The following DPP6 variants were observed in gnomAD, a reference collection of about 807,000 sequenced individuals.
DPP6 encodes A-type potassium channel modulatory protein DPP6.
DPP6 carries 69 observed loss-of-function variants against 122.6 expected under a neutral mutation model. That is an observed-to-expected ratio of 0.56 (90% CI 0.46 to 0.69). The LOEUF (loss-of-function observed/expected upper bound fraction) is 0.69, where lower values mean the gene tolerates loss of function less well. Ranked by LOEUF, DPP6 falls within the 30% of genes least tolerant of loss-of-function variation. The pLI, the probability that DPP6 is intolerant of heterozygous loss-of-function variation, is 0.00. For synonymous variants in DPP6, 418 were observed against 433.1 expected (o/e 0.97, Z 0.43); for missense variants, 928 against 1,116.9 (o/e 0.83, Z 2.41).
At position 154,308,352 on chromosome 7, in the gene DPP6, G is replaced by T. The variant is rs567276582; in HGVS notation, c.244-137862G>T. Among the ~76,000 whole-genome samples the T allele has an allele frequency of 1.4e-3, 217 of 152,148 alleles. 1 individual carries two copies. The highest frequency in any genetic ancestry group is 4.8e-3 in the African/African-American group (199 of 41,494). On this transcript the variant is annotated intron_variant, in intron 1 of 25. Transcript: ENST00000377770. ...TAAAAAGAGTATTTTGGGATTTTTG[G>T]TTTGTTTTTTAAAGGATACTAAATA...
chr7:154,616,075 G>A (rs989625034), intron 5 of DPP6, among the ~76,000 whole-genome samples: 4 of 152,092 alleles, frequency 2.6e-5, no homozygotes, highest in Admixed American at 1.3e-4. Flanking sequence ...AACAGGAGGC[G>A]GCCAGCTCAG....
chr7:154,346,860 G>T (rs1439429349), intron 1 of DPP6, among the ~76,000 whole-genome samples: 1 of 152,166 alleles, frequency 6.6e-6, no homozygotes, highest in Non-Finnish European at 1.5e-5. Flanking sequence ...TGACTCTGGA[G>T]TTTCAAGTAA....
chr7:154,792,788 G>C (rs1012135319), intron 10 of DPP6, among the ~76,000 whole-genome samples: 1 of 152,214 alleles, frequency 6.6e-6, no homozygotes, highest in South Asian at 2.1e-4. Context: ...CCCCTCCTGT[G>C]TTCACGGGTT....
chr7:154,100,326 T>G (rs1426231623), intron 1 of DPP6, among the ~76,000 whole-genome samples: 1 of 96,348 alleles, frequency 1.0e-5, no homozygotes, highest in African/African-American at 4.3e-5. Flanking sequence ...GAAGACCACC[T>G]GCCTGTTTGT....
At chr7:154,083,199 G>A (rs1352171930) in intron 1 of DPP6, among the ~76,000 whole-genome samples, 1 of 152,082 alleles carries the variant, frequency 6.6e-6, no homozygotes, top group Admixed American at 6.5e-5. Flanking sequence ...TCGGTTAGTT[G>A]TTGTGCTTCT....
At chr7:154,104,873 G>A (rs1267872717) in intron 1 of DPP6, among the ~76,000 whole-genome samples, 1 of 151,890 alleles carries the variant, frequency 6.6e-6, no homozygotes, top group African/African-American at 2.4e-5. Flanking sequence ...CTGTGTGTGT[G>A]CCTACATAAC....
chr7:154,495,476 A>G (rs147758930), intron 3 of DPP6, among the ~76,000 whole-genome samples: 8,535 of 151,146 alleles, frequency 0.056, 788 homozygotes, highest in African/African-American at 0.19. Flanking sequence ...TGCAACCTCC[A>G]CTTCCCAGGT....
intron 1 of DPP6, among the ~76,000 whole-genome samples, chr7:154,290,218 T>C (rs994609418): frequency 6.6e-6 from 1 of 152,180 alleles, no homozygotes; most frequent in Non-Finnish European, 1.5e-5. Context: ...AATGATCAAA[T>C]TGTAATTGGT....
upstream of DPP6, among the ~76,000 whole-genome samples, chr7:154,050,296 GT>G (rs1052327359): frequency 6.6e-6 from 1 of 152,150 alleles, no homozygotes; most frequent in Non-Finnish European, 1.5e-5. Context: ...TGAGAATATA[GT>G]TTTTAAAAGT....
At chr7:154,662,095 G>A (rs1384216551) in intron 6 of DPP6, among the ~76,000 whole-genome samples, 1 of 150,388 alleles carries the variant, frequency 6.6e-6, no homozygotes. Context: ...TAGAGTCATG[G>A]TGAATCACCA....
intron 2 of DPP6, among the ~76,000 whole-genome samples, chr7:154,465,373 C>A (rs1361487103): frequency 6.6e-6 from 1 of 152,064 alleles, no homozygotes; most frequent in East Asian, 1.9e-4. Flanking sequence ...TCTAATTAAA[C>A]TAAAGAGCTT....
the DPP6 span, among the ~76,000 whole-genome samples, chr7:153,762,609 A>G: frequency 5.4e-5 from 8 of 148,294 alleles, no homozygotes; most frequent in African/African-American, 1.5e-4. Context: ...TGTCTCTACT[A>G]AAAATACAAA....
intron 1 of DPP6, among the ~76,000 whole-genome samples, chr7:154,191,372 C>T (rs1563298169): frequency 6.6e-6 from 1 of 152,204 alleles, no homozygotes; most frequent in Non-Finnish European, 1.5e-5. Context: ...TTTAATCACC[C>T]TGTCTCTGTT....
chr7:154,848,084 G>A (rs1267143952), intron 16 of DPP6, among the ~76,000 whole-genome samples: 1 of 152,224 alleles, frequency 6.6e-6, no homozygotes, highest in Non-Finnish European at 1.5e-5. Flanking sequence ...TGGGCAGGTA[G>A]GCTGTCTCCA....
At chr7:153,768,676 T>C in the DPP6 span, among the ~76,000 whole-genome samples, 52 of 152,198 alleles carry the variant, frequency 3.4e-4, no homozygotes, top group African/African-American at 1.1e-3. Flanking sequence ...TTTGCTTGTT[T>C]TATTTTTAGC....
intron 2 of DPP6, among the ~76,000 whole-genome samples, chr7:154,454,634 G>A (rs1461603786): frequency 6.6e-6 from 1 of 152,108 alleles, no homozygotes; most frequent in African/African-American, 2.4e-5. Flanking sequence ...AGAAGGAAAG[G>A]GATGGTAGCC....
chr7:154,718,962 T>C (rs1354698401), intron 7 of DPP6, among the ~76,000 whole-genome samples: 2 of 152,128 alleles, frequency 1.3e-5, no homozygotes, highest in East Asian at 3.9e-4. Flanking sequence ...ATCTAGGAAA[T>C]GATTCATCCC....
intron 3 of DPP6, among the ~76,000 whole-genome samples, chr7:154,524,682 T>C (rs1378653240): frequency 6.6e-6 from 1 of 152,210 alleles, no homozygotes; most frequent in African/African-American, 2.4e-5. Context: ...GTAAGAGCTT[T>C]TTAAGCACCA....
In DPP6 at chr7:154,618,012, A is replaced by T. The variant is rs1228026962; in HGVS notation, c.628-19809A>T. On this transcript the variant is annotated intron_variant, in intron 5 of 25. Coordinates refer to ENST00000377770, the MANE Select transcript of DPP6 (RefSeq NM_130797.4). The surrounding 1 kb of genome is among the most constrained non-coding windows in gnomAD (Gnocchi z 4.1). ...GGGCTGCAGACCCGGGACTCAAACG[A>T]TGTGCAAAGGCCTCAGTTTCTCTCT... Among the ~76,000 whole-genome samples the T allele has an allele frequency of 6.6e-6, 1 of 152,106 alleles. No homozygotes were observed. Among genetic ancestry groups the T allele is most frequent in the African/African-American group, 2.4e-5 (1 of 41,414 alleles).
Sources: allele counts gnomAD v4.1 joint callset (sites outside exome capture counted in the v4.1 genomes callset), GRCh38; gene constraint gnomAD v4.1.1; non-coding constraint Gnocchi (gnomAD v3.1); transcripts MANE v1.5; gene names NCBI Gene and HGNC (gene_info 2026-07-23, HGNC 2026-07-21).